The following KYAT3 variants were observed in gnomAD, a reference collection of about 807,000 sequenced individuals.
KYAT3 encodes the protein kynurenine aminotransferase 3.
Under a neutral mutation model 59.0 loss-of-function variants are expected in KYAT3, and 50 were observed. The ratio of observed to expected loss-of-function variants is 0.85; its 90% CI spans 0.68 to 1.07. The LOEUF is 1.07. KYAT3 is among the 50% of genes least tolerant of loss of function. The pLI, the probability that KYAT3 is intolerant of heterozygous loss-of-function variation, is 0.00. For missense variants in KYAT3, 497 were observed against 533.3 expected (o/e 0.93, Z 0.67); for synonymous variants, 148 against 177.0 (o/e 0.84, Z 1.30).
At chr1:88,962,296 G>A in intron 5 of KYAT3, 151 bp from the exon 6 acceptor site, 1 of 615,294 alleles carries the variant, frequency 1.6e-6, no homozygotes, top group East Asian at 2.9e-5. Flanking sequence ...ACATCTGAGG[G>A]GAAGAGACCT....
At chr1:88,948,190 C>T (rs2390675) in intron 11 of KYAT3, among the ~76,000 whole-genome samples, 70,009 of 151,886 alleles carry the variant, frequency 0.46, 16,280 homozygotes, top group Admixed American at 0.5. Context: ...CAATGTTTTG[C>T]TATAAAATTG....
intron 1 of KYAT3, among the ~76,000 whole-genome samples, chr1:88,992,357 A>C (rs534373492): frequency 2.4e-4 from 37 of 152,258 alleles, no homozygotes; most frequent in Non-Finnish European, 5.1e-4. Flanking sequence ...AAAAGCGCCA[A>C]GACGGTGACC....
chr1:88,983,323 T>A, intron 2 of KYAT3: 1 of 1,614,128 alleles, frequency 6.2e-7, no homozygotes, highest in South Asian at 1.1e-5. Context: ...GAACTAGTCC[T>A]GAAGGTGCAG....
chr1:88,990,997 GA>G (rs1176238059), intron 1 of KYAT3, among the ~76,000 whole-genome samples: 1 of 152,120 alleles, frequency 6.6e-6, no homozygotes, highest in Non-Finnish European at 1.5e-5. Flanking sequence ...CAATTTCTGT[GA>G]AGAAAACCTG....
intron 2 of KYAT3, 74 bp downstream of exon 2, chr1:88,988,178 A>G: frequency 1.1e-6 from 1 of 901,446 alleles, no homozygotes; most frequent in African/African-American, 1.7e-5. Flanking sequence ...GTAAAAAAGC[A>G]TCTGAAAAAT....
At chr1:88,962,014 T>A in intron 6 of KYAT3, 45 bp downstream of exon 6, 10 of 1,348,406 alleles carry the variant, frequency 7.4e-6, no homozygotes, top group Non-Finnish European at 1.1e-5. Flanking sequence ...TCAAGACTTC[T>A]TAAGTCTTGA....
At chr1:88,942,307 T>A (rs12085721) in intron 13 of KYAT3, among the ~76,000 whole-genome samples, 5,792 of 152,184 alleles carry the variant, frequency 0.038, 319 homozygotes, top group African/African-American at 0.12. Flanking sequence ...CACTTATTAT[T>A]ACCACGTTTT....
downstream of KYAT3, among the ~76,000 whole-genome samples, chr1:88,933,030 C>T (rs1015031638): frequency 1.7e-4 from 26 of 151,794 alleles, no homozygotes; most frequent in African/African-American, 6.3e-4. Flanking sequence ...TGGGAATGTT[C>T]TCCCCAAGAT....
intron 2 of KYAT3, chr1:88,980,082 T>C (rs1482242976): frequency 6.6e-6 from 1 of 152,140 alleles, no homozygotes; most frequent in African/African-American, 2.4e-5. Context: ...TGCTACACAA[T>C]CCCATTTATA....
intron 8 of KYAT3, among the ~76,000 whole-genome samples, chr1:88,957,747 A>G (rs1443371204): frequency 6.6e-6 from 1 of 152,200 alleles, no homozygotes; most frequent in Non-Finnish European, 1.5e-5. Flanking sequence ...GTAGATCTAA[A>G]CAATAAATTT....
At chr1:88,931,392 T>G (rs536602787), downstream of KYAT3, among the ~76,000 whole-genome samples, 37 of 152,306 alleles carry the variant, frequency 2.4e-4, no homozygotes, top group South Asian at 1.5e-3. Context: ...TAAGATCTAC[T>G]GCGGACCCCT....
intron 1 of KYAT3, among the ~76,000 whole-genome samples, chr1:88,989,464 T>G (rs935250902): frequency 6.6e-6 from 1 of 152,126 alleles, no homozygotes; most frequent in African/African-American, 2.4e-5. Context: ...TTAATAAGGT[T>G]TGAGTTAAAG....
intron 2 of KYAT3, chr1:88,982,915 A>C (rs750973601): frequency 6.2e-7 from 1 of 1,614,002 alleles, no homozygotes; most frequent in Non-Finnish European, 8.5e-7. Context: ...TGCTTCCACC[A>C]TAAGATGGCG....
chr1:88,991,520 C>A (rs1156815755), intron 1 of KYAT3, among the ~76,000 whole-genome samples: 1 of 152,216 alleles, frequency 6.6e-6, no homozygotes, highest in Non-Finnish European at 1.5e-5. Flanking sequence ...ATAAGGTTCA[C>A]CGATACAACA....
chr1:88,989,229 T>C (rs942062670), intron 1 of KYAT3, among the ~76,000 whole-genome samples: 1 of 152,172 alleles, frequency 6.6e-6, no homozygotes, highest in African/African-American at 2.4e-5. Context: ...GGAAACTAAA[T>C]AGAGCTTCTA....
At chr1:88,922,328 A>C in the KYAT3 span, among the ~76,000 whole-genome samples, 1 of 152,196 alleles carries the variant, frequency 6.6e-6, no homozygotes, top group Non-Finnish European at 1.5e-5. Context: ...CCTGATGAGG[A>C]AAGAGCAGCC....
At chr1:88,982,468 A>T in intron 2 of KYAT3, 2 of 1,085,998 alleles carry the variant, frequency 1.8e-6, no homozygotes, top group South Asian at 1.8e-5. Context: ...AAGTCAAATA[A>T]AATTAAACAT....
intron 5 of KYAT3, among the ~76,000 whole-genome samples, chr1:88,962,803 G>C (rs1357333744): frequency 2.0e-5 from 3 of 152,124 alleles, no homozygotes; most frequent in Non-Finnish European, 4.4e-5. Context: ...CCTCATCTGT[G>C]AAGTTCTCAG....
intron 2 of KYAT3, 110 bp downstream of exon 2, chr1:88,988,142 G>A: frequency 1.5e-6 from 1 of 685,154 alleles, no homozygotes; most frequent in Non-Finnish European, 2.5e-6. Context: ...ATATGTAATA[G>A]AAATGTTCAT....
Sources: allele counts gnomAD v4.1 joint callset (sites outside exome capture counted in the v4.1 genomes callset), GRCh38; gene constraint gnomAD v4.1.1; transcripts MANE v1.5; gene names NCBI Gene and HGNC (gene_info 2026-07-23, HGNC 2026-07-21).